DGAT2: variants seen among roughly 807,000 people sequenced by gnomAD.
DGAT2 encodes diacylglycerol O-acyltransferase 2, also known as acyl-CoA retinol O-fatty-acyltransferase.
A neutral mutation model predicts 48.4 loss-of-function variants in DGAT2; 33 were observed. The ratio of observed to expected loss-of-function variants is 0.68; its 90% CI spans 0.52 to 0.91. The LOEUF (loss-of-function observed/expected upper bound fraction) is 0.91, where lower values mean the gene tolerates loss of function less well. DGAT2 is among the 40% of genes least tolerant of loss of function. The pLI is 0.00. For missense variants in DGAT2, 446 were observed against 493.7 expected (o/e 0.90, Z 0.92); for synonymous variants, 191 against 194.1 (o/e 0.98, Z 0.13).
At chr11:75,776,628 G>T (rs748102840) in intron 1 of DGAT2, 1 of 152,254 alleles carries the variant, frequency 6.6e-6, no homozygotes, top group Non-Finnish European at 1.5e-5. Context: ...ACGAGTCTCT[G>T]GCTGAGCACA....
rs1315589663 is a variant in DGAT2, at chr11:75,769,046, G to A, written c.55G>A (p.Glu19Lys). ...SGVLRGERQA[E>K]ADRSQRSHGG... The stretch of plus-strand genomic sequence containing the variant: ...GGTCCTGCGCGGCGAGCGTCAGGCC[G>A]AGGCTGACCGGAGCCAGCGCTCTCA... The change falls in exon 1 of 8, where the codon GAG becomes AAG. Residue 19 changes from glutamate (E) to lysine (K), a missense_variant. Coordinates refer to ENST00000228027, the MANE Select transcript of DGAT2 (RefSeq NM_032564.5). The A allele has an allele frequency of 1.9e-6, 3 of 1,579,734 alleles. No individual in the cohort carries two copies. Among genetic ancestry groups the A allele is most frequent in the East Asian group, 2.4e-5 (1 of 40,870 alleles).
intron 1 of DGAT2, among the ~76,000 whole-genome samples, chr11:75,769,449 T>A (rs1365785068): frequency 2.0e-5 from 3 of 151,892 alleles, no homozygotes; most frequent in Non-Finnish European, 4.4e-5. Context: ...GGCAGGATGG[T>A]ATGGGTTTTG....
rs533514136 is a variant in DGAT2 at position 75,769,798 on chromosome 11, A to G, written c.121+686A>G. Among the ~76,000 whole-genome samples the G allele has an allele frequency of 2.0e-5, 3 of 152,168 alleles. No individual in the cohort carries two copies. The East Asian group carries it at 5.8e-4, about 29-fold the overall frequency. On this transcript the variant is annotated intron_variant, in intron 1 of 7. Transcript: ENST00000228027. The stretch of plus-strand genomic sequence containing the variant: ...GAGGAAGCATGCCTAAGTTTTCCTT[A>G]GCTGATGCCTTGACCCCTGGATTCA...
intron 2 of DGAT2, among the ~76,000 whole-genome samples, chr11:75,788,427 C>G (rs990964780): frequency 2.6e-5 from 4 of 152,194 alleles, no homozygotes; most frequent in African/African-American, 9.7e-5. Flanking sequence ...CACCCCTAAG[C>G]TGGTCCTGAA....
At chr11:75,798,923 A>T (rs1945084834) in intron 7 of DGAT2, among the ~76,000 whole-genome samples, 1 of 152,250 alleles carries the variant, frequency 6.6e-6, no homozygotes, top group African/African-American at 2.4e-5. Flanking sequence ...AAAGAAAAAC[A>T]TTAATATGAC....
intron 4 of DGAT2, chr11:75,793,014 A>C (rs971683013): frequency 6.6e-6 from 1 of 152,158 alleles, no homozygotes; most frequent in African/African-American, 2.4e-5. Context: ...TTTTTCCTCT[A>C]TGCACTGCTG....
chr11:75,792,601 A>T (rs571393808), intron 4 of DGAT2: 1 of 151,916 alleles, frequency 6.6e-6, no homozygotes, highest in African/African-American at 2.4e-5. Flanking sequence ...CTTTGCTGCC[A>T]GAACAGCTCA....
intron 6 of DGAT2, among the ~76,000 whole-genome samples, chr11:75,797,598 C>T (rs914896365): frequency 2.0e-5 from 3 of 152,206 alleles, no homozygotes; most frequent in Admixed American, 6.5e-5. Flanking sequence ...AGGACTGGAC[C>T]ACCTGGGGCC....
chr11:75,790,958 A>G (rs1944982875), intron 4 of DGAT2, among the ~76,000 whole-genome samples: 1 of 152,206 alleles, frequency 6.6e-6, no homozygotes, highest in African/African-American at 2.4e-5. Context: ...TTTGGCTTTC[A>G]GTCTCAGCTC....
intron 1 of DGAT2, among the ~76,000 whole-genome samples, chr11:75,783,987 C>T (rs541672381): frequency 9.2e-5 from 14 of 152,034 alleles, no homozygotes; most frequent in Admixed American, 5.9e-4. Flanking sequence ...CTGGGCCCCA[C>T]GCTTTGGGCA....
Position 75,769,125 on chromosome 11 carries a change from G to A in DGAT2, c.121+13G>A. Reference sequence around the variant, plus strand: ...TCTGGGAGATGGGGTGAGTGCCACGGCGCAGGGGTTATGGACCTGCGAGAA... The same window carrying A: ...TCTGGGAGATGGGGTGAGTGCCACGACGCAGGGGTTATGGACCTGCGAGAA... On this transcript the variant is annotated intron_variant, in intron 1 of 7. Transcript: ENST00000228027. The A allele has an allele frequency of 6.4e-7, 1 of 1,555,626 alleles. No homozygotes were observed. Among genetic ancestry groups the A allele is most frequent in the Non-Finnish European group, 8.6e-7 (1 of 1,158,378 alleles).
chr11:75,776,113 C>T (rs1448926060), intron 1 of DGAT2: 2 of 152,280 alleles, frequency 1.3e-5, no homozygotes, highest in South Asian at 4.1e-4. Flanking sequence ...CATTAACCAC[C>T]CTCCAGCTGG....
rs373549645 is a variant in DGAT2, at chr11:75,800,518, C to T, written c.*10C>T. On this transcript the variant is annotated 3_prime_UTR_variant, in exon 8 of 8. Transcript: ENST00000228027. ...CCTGGAGGTGAACTGAGCCAGCCTT[C>T]GGGGCCAATTCCCTGGAGGAACCAG... 1.9e-5 allele frequency: 31 copies of T among 1,613,094 alleles called. No homozygotes were observed. Among genetic ancestry groups the T allele is most frequent in the Admixed American group, 1.0e-4 (6 of 59,862 alleles).
intron 1 of DGAT2, among the ~76,000 whole-genome samples, chr11:75,772,585 G>A (rs1944768961): frequency 6.6e-6 from 1 of 152,152 alleles, no homozygotes; most frequent in African/African-American, 2.4e-5. Flanking sequence ...CCAATCTAGA[G>A]AGCCACTTCC....
At chr11:75,782,201 C>G (rs1944873753) in intron 1 of DGAT2, among the ~76,000 whole-genome samples, 2 of 152,142 alleles carry the variant, frequency 1.3e-5, no homozygotes, top group African/African-American at 4.8e-5. Flanking sequence ...GTGTCTCACC[C>G]CAGCCCCTAC....
intron 4 of DGAT2, chr11:75,794,841 T>C (rs994209483): frequency 6.6e-6 from 1 of 152,130 alleles, no homozygotes; most frequent in Non-Finnish European, 1.5e-5. Flanking sequence ...TGGATGGAAA[T>C]ATTATGGATT....
chr11:75,790,213 G>C lies in DGAT2; in HGVS notation c.276G>C (p.Met92Ile). 1 of 1,614,138 alleles carries C rather than the reference G, an allele frequency of 6.2e-7. No homozygotes were observed. Among genetic ancestry groups the C allele is most frequent in the Non-Finnish European group, 8.5e-7 (1 of 1,180,002 alleles). ...VLGVACSAIL[M>I]YIFCTDCWLI... ...GAGTGGCCTGCAGTGCCATCCTCAT[G>C]TACATATTCTGCACTGATTGCTGGC... Residue 92 changes from methionine (M) to isoleucine (I), a missense_variant, in exon 3 of 8, where the codon ATG becomes ATC. By Grantham distance (10) the Met-to-Ile change is conservative. Transcript: ENST00000228027.
At position 75,778,935 on chromosome 11, in the gene DGAT2, T is replaced by C. The variant is rs548982482; in HGVS notation, c.122-5683T>C. 2.0e-5 allele frequency among the ~76,000 whole-genome samples: 3 copies of C among 151,562 alleles called. No homozygotes were observed. In the East Asian group the frequency reaches 5.8e-4, roughly 29 times the overall value. On this transcript the variant is annotated intron_variant, in intron 1 of 7. Transcript: ENST00000228027. Reference sequence around the variant, plus strand: ...TAAGAAAACCAAAGCTAGAGTTAGGTGACTTGCCCGAGGTCACAGAGCCAG... The same window carrying C: ...TAAGAAAACCAAAGCTAGAGTTAGGCGACTTGCCCGAGGTCACAGAGCCAG...
intron 1 of DGAT2, among the ~76,000 whole-genome samples, chr11:75,771,750 C>T (rs555053871): frequency 6.6e-6 from 1 of 152,250 alleles, no homozygotes; most frequent in East Asian, 1.9e-4. Flanking sequence ...ATCACTTCCC[C>T]AGCTGAATAG....
Sources: allele counts gnomAD v4.1 joint callset (sites outside exome capture counted in the v4.1 genomes callset), GRCh38; gene constraint gnomAD v4.1.1; transcripts MANE v1.5; gene names NCBI Gene and HGNC (gene_info 2026-07-23, HGNC 2026-07-21).